The following SHQ1 variants were observed in gnomAD, a reference collection of about 807,000 sequenced individuals.
SHQ1 encodes SHQ1, H/ACA ribonucleoprotein assembly factor, also known as protein SHQ1 homolog.
SHQ1 carries 49 observed loss-of-function variants against 53.8 expected under a neutral mutation model. The ratio of observed to expected loss-of-function variants is 0.91; its 90% CI spans 0.72 to 1.16. The LOEUF (loss-of-function observed/expected upper bound fraction) is 1.16, where lower values mean the gene tolerates loss of function less well. Among genes scored for constraint, SHQ1 ranks in the 50% most tolerant of loss-of-function variants. SHQ1 has a pLI of 0.00. For synonymous variants in SHQ1, 243 were observed against 251.0 expected (o/e 0.97, Z 0.30); for missense variants, 738 against 683.1 (o/e 1.08, Z -0.90).
At chr3:72,736,974 GT>G in the SHQ1 span, among the ~76,000 whole-genome samples, 1 of 150,758 alleles carries the variant, frequency 6.6e-6, no homozygotes. Flanking sequence ...AAATCTAAGG[GT>G]ACTGTAGGGT....
intron 10 of SHQ1, among the ~76,000 whole-genome samples, chr3:72,779,217 C>T (rs531699591): frequency 6.6e-6 from 1 of 152,186 alleles, no homozygotes; most frequent in Non-Finnish European, 1.5e-5. Context: ...CTCTAGGTTA[C>T]AGCCACCTTG....
intron 10 of SHQ1, among the ~76,000 whole-genome samples, chr3:72,788,811 G>A (rs2106782912): frequency 6.6e-6 from 1 of 152,242 alleles, no homozygotes; most frequent in Admixed American, 6.5e-5. Flanking sequence ...CATGTACTGT[G>A]TCCACTAAGG....
the SHQ1 span, among the ~76,000 whole-genome samples, chr3:72,741,591 A>T: frequency 2.0e-5 from 3 of 151,776 alleles, no homozygotes; most frequent in South Asian, 6.3e-4. Context: ...TCTCAAATAA[A>T]AAAAAAAAGA....
chr3:72,759,243 G>A lies in SHQ1; in HGVS notation c.1182-8407C>T, dbSNP rs116142334. On this transcript the variant is annotated intron_variant, in intron 10 of 10. Transcript: ENST00000325599. ...TCTGCAAGGACATGAAGTTTGGAGG[G>A]ACATCACAGGGCATCACTATAACAC... Among the ~76,000 whole-genome samples the A allele has an allele frequency of 4.7e-3, 715 of 152,304 alleles. 2 individuals are homozygous for A. The highest frequency in any genetic ancestry group is 0.015 in the African/African-American group (626 of 41,552).
intron 4 of SHQ1, among the ~76,000 whole-genome samples, chr3:72,840,224 C>CCTGGGCGACAG (rs1559700226): frequency 3.6e-5 from 4 of 110,430 alleles, no homozygotes; most frequent in African/African-American, 1.6e-4. Context: ...TGCACTCCAG[C>CCTGGGCGACAG]AAAGTGAGAC....
chr3:72,769,751 T>A (rs1106310), intron 10 of SHQ1, among the ~76,000 whole-genome samples: 52,606 of 152,054 alleles, frequency 0.35, 11,291 homozygotes, highest in African/African-American at 0.61. Context: ...CTACAACCAG[T>A]CTAAATGCTC....
chr3:72,770,599 G>A (rs541100882), intron 10 of SHQ1, among the ~76,000 whole-genome samples: 1 of 152,224 alleles, frequency 6.6e-6, no homozygotes, highest in East Asian at 1.9e-4. Flanking sequence ...TGCCCAGAAA[G>A]TACAAGATGA....
chr3:72,779,016 A>T (rs770062679), intron 10 of SHQ1, among the ~76,000 whole-genome samples: 1 of 152,160 alleles, frequency 6.6e-6, no homozygotes, highest in Non-Finnish European at 1.5e-5. Flanking sequence ...ATAGTCTTGA[A>T]ACTGGCCTAA....
At chr3:72,780,863 G>A (rs1575687587) in intron 10 of SHQ1, among the ~76,000 whole-genome samples, 1 of 152,114 alleles carries the variant, frequency 6.6e-6, no homozygotes, top group African/African-American at 2.4e-5. Context: ...GATATTAGAG[G>A]TGTATTCCAT....
At chr3:72,747,980 C>CT (rs1472827928), downstream of SHQ1, among the ~76,000 whole-genome samples, 1 of 151,016 alleles carries the variant, frequency 6.6e-6, no homozygotes, top group Non-Finnish European at 1.5e-5. Flanking sequence ...CAGAACAAGA[C>CT]TGTCTCAAGG....
chr3:72,827,312 G>C (rs1707690665), intron 5 of SHQ1, among the ~76,000 whole-genome samples: 1 of 152,022 alleles, frequency 6.6e-6, no homozygotes, highest in South Asian at 2.1e-4. Context: ...GCTCAAGACA[G>C]AGATATGAGA....
chr3:72,751,508 G>GTATATA (rs371779807), intron 10 of SHQ1, among the ~76,000 whole-genome samples: 14 of 116,986 alleles, frequency 1.2e-4, no homozygotes, highest in African/African-American at 5.3e-4. Flanking sequence ...GTGTGTGTGT[G>GTATATA]TATATATATA....
intron 5 of SHQ1, among the ~76,000 whole-genome samples, chr3:72,828,620 G>A (rs941917553): frequency 4.6e-5 from 7 of 152,192 alleles, no homozygotes; most frequent in African/African-American, 1.4e-4. Context: ...CTTGAACCCC[G>A]GGAGGCAGAG....
intron 10 of SHQ1, among the ~76,000 whole-genome samples, chr3:72,779,819 T>C (rs1441396658): frequency 6.6e-6 from 1 of 152,210 alleles, no homozygotes; most frequent in African/African-American, 2.4e-5. Flanking sequence ...TGAAATAGTA[T>C]GATTAACAGA....
At chr3:72,844,487 T>C (rs1708271483) in intron 1 of SHQ1, 64 bp from the exon 2 acceptor site, 1 of 1,225,008 alleles carries the variant, frequency 8.2e-7, no homozygotes, top group Non-Finnish European at 1.2e-6. Context: ...TGGCCATCAA[T>C]ACTTGCAAAC....
downstream of SHQ1, among the ~76,000 whole-genome samples, chr3:72,747,567 G>A (rs1705277900): frequency 6.6e-6 from 1 of 152,198 alleles, no homozygotes; most frequent in Non-Finnish European, 1.5e-5. Context: ...CAAAGACAGG[G>A]CTGAGGACTT....
intron 10 of SHQ1, among the ~76,000 whole-genome samples, chr3:72,784,230 T>C (rs1289603367): frequency 1.3e-5 from 2 of 152,168 alleles, no homozygotes; most frequent in Non-Finnish European, 2.9e-5. Context: ...AATTCTTTTG[T>C]TAGTTTTTTC....
chr3:72,751,495 TGTGTGTGTG>T (rs1705369101), intron 10 of SHQ1, among the ~76,000 whole-genome samples: 2 of 123,792 alleles, frequency 1.6e-5, no homozygotes, highest in African/African-American at 8.3e-5. Flanking sequence ...TGTGTGTGTG[TGTGTGTGTG>T]TGTGTATATA....
At chr3:72,774,270 C>T (rs1376152555) in intron 10 of SHQ1, among the ~76,000 whole-genome samples, 3 of 152,064 alleles carry the variant, frequency 2.0e-5, no homozygotes, top group East Asian at 1.9e-4. Context: ...CAATTCAAAA[C>T]GGACAGATTA....
Sources: gnomAD v4.1 joint callset for allele counts (sites outside exome capture counted in the v4.1 genomes callset) on GRCh38, gnomAD v4.1.1 for gene constraint, MANE v1.5 for transcripts, NCBI Gene and HGNC (gene_info 2026-07-23, HGNC 2026-07-21) for gene names.